RUNDC3B: variants seen among roughly 807,000 people sequenced by gnomAD.
The protein encoded by RUNDC3B is RUN domain containing 3B.
Under a neutral mutation model 58.4 loss-of-function variants are expected in RUNDC3B, and 33 were observed. The observed-to-expected ratio is 0.56, with a 90% confidence interval of 0.43 to 0.75. RUNDC3B has a LOEUF of 0.75. Among genes scored for constraint, RUNDC3B ranks in the 30% least tolerant of loss-of-function variants. RUNDC3B has a pLI of 0.00. For missense variants in RUNDC3B, 501 were observed against 535.7 expected, an observed-to-expected ratio of 0.94 and a Z score of 0.64; for synonymous variants, 193 against 195.2, an observed-to-expected ratio of 0.99 and a Z score of 0.10.
chr7:87,814,181 A>G (rs1409097814), intron 9 of RUNDC3B, among the ~76,000 whole-genome samples: 1 of 150,400 alleles, frequency 6.6e-6, no homozygotes, highest in Non-Finnish European at 1.5e-5. Flanking sequence ...GCTCACTTCA[A>G]TCTCTGCCTA....
chr7:87,663,436 T>C (rs960155248), intron 2 of RUNDC3B, among the ~76,000 whole-genome samples: 3 of 152,166 alleles, frequency 2.0e-5, no homozygotes, highest in African/African-American at 7.2e-5. Context: ...TTCCCTACAG[T>C]TGGCTTTTCT....
At chr7:87,713,130 C>T (rs1830239506) in intron 4 of RUNDC3B, 1 of 152,190 alleles carries the variant, frequency 6.6e-6, no homozygotes, top group East Asian at 1.9e-4. Context: ...TTGTAAAATA[C>T]AAACAATTAG....
intron 2 of RUNDC3B, among the ~76,000 whole-genome samples, chr7:87,687,301 C>A (rs185572237): frequency 1.3e-5 from 2 of 152,164 alleles, no homozygotes; most frequent in African/African-American, 4.8e-5. Flanking sequence ...GTGTAAGGAG[C>A]ACACTTCTTC....
At chr7:87,692,666 A>G (rs189994014) in intron 2 of RUNDC3B, among the ~76,000 whole-genome samples, 3 of 152,314 alleles carry the variant, frequency 2.0e-5, no homozygotes, top group Admixed American at 2.0e-4. Context: ...ATAAATCACA[A>G]ATAATATAGA....
At chr7:87,705,639 C>T (rs1563148979) in intron 3 of RUNDC3B, among the ~76,000 whole-genome samples, 1 of 152,158 alleles carries the variant, frequency 6.6e-6, no homozygotes, top group Non-Finnish European at 1.5e-5. Flanking sequence ...GAACATGAGA[C>T]TTTTATTACA....
chr7:87,660,027 G>T (rs1003684788), intron 2 of RUNDC3B, among the ~76,000 whole-genome samples: 4 of 152,086 alleles, frequency 2.6e-5, no homozygotes, highest in African/African-American at 4.8e-5. Context: ...TAACATTTTA[G>T]AGGTTTAGGT....
chr7:87,762,290 A>G (rs1351495184), intron 6 of RUNDC3B, among the ~76,000 whole-genome samples: 20 of 151,458 alleles, frequency 1.3e-4, no homozygotes. Flanking sequence ...TGGCCCTTAC[A>G]TCTCCTTGTT....
At chr7:87,816,931 A>G (rs568898791) in intron 10 of RUNDC3B, among the ~76,000 whole-genome samples, 2 of 152,316 alleles carry the variant, frequency 1.3e-5, no homozygotes, top group South Asian at 2.1e-4. Flanking sequence ...CTCCTTCAGC[A>G]TAGGTTAAAG....
At chr7:87,684,618 C>A (rs978969185) in intron 2 of RUNDC3B, among the ~76,000 whole-genome samples, 1 of 151,658 alleles carries the variant, frequency 6.6e-6, no homozygotes, top group Non-Finnish European at 1.5e-5. Context: ...CATGGTAGCA[C>A]GTGCCTGTAG....
At chr7:87,678,307 G>A (rs1184057389) in intron 2 of RUNDC3B, among the ~76,000 whole-genome samples, 1 of 152,164 alleles carries the variant, frequency 6.6e-6, no homozygotes, top group East Asian at 1.9e-4. Flanking sequence ...AGGTTTCCAG[G>A]TTTGCATGTA....
At chr7:87,689,823 G>T (rs572949139) in intron 2 of RUNDC3B, among the ~76,000 whole-genome samples, 1 of 151,996 alleles carries the variant, frequency 6.6e-6, no homozygotes, top group African/African-American at 2.4e-5. Context: ...TTTGCTAGAC[G>T]TCTAATGATA....
In RUNDC3B at chr7:87,733,859, C is replaced by T. The variant is rs185929748; in HGVS notation, c.459-5932C>T. ...TGCAGCTCCAGTTCCTAACAGGCCA[C>T]GGACAGGTTCTGGTTCATGGCCCAG... On this transcript the variant is annotated intron_variant, in intron 4 of 10. Transcript: ENST00000394654. Among the ~76,000 whole-genome samples the T allele has an allele frequency of 4.5e-4, 68 of 152,288 alleles. 2 individuals carry two copies. Among genetic ancestry groups the T allele is most frequent in the East Asian group, 5.8e-4 (3 of 5,182 alleles).
chr7:87,749,476 A>T (rs1832835761), intron 6 of RUNDC3B, among the ~76,000 whole-genome samples: 1 of 152,218 alleles, frequency 6.6e-6, no homozygotes, highest in South Asian at 2.1e-4. Flanking sequence ...ATACCAATTC[A>T]ACCTAGTCAT....
intron 8 of RUNDC3B, among the ~76,000 whole-genome samples, chr7:87,794,104 T>C (rs561189962): frequency 1.1e-4 from 16 of 152,140 alleles, no homozygotes; most frequent in Non-Finnish European, 2.1e-4. Context: ...ATTAAATACC[T>C]AGGAATTACT....
intron 8 of RUNDC3B, among the ~76,000 whole-genome samples, chr7:87,780,317 TCTGA>T (rs1834856970): frequency 6.6e-6 from 1 of 152,112 alleles, no homozygotes; most frequent in African/African-American, 2.4e-5. Flanking sequence ...ATAATAGCCA[TCTGA>T]CTGGTGTCAG....
At chr7:87,635,596 A>T (rs1047626916) in intron 1 of RUNDC3B, among the ~76,000 whole-genome samples, 2 of 152,172 alleles carry the variant, frequency 1.3e-5, no homozygotes, top group South Asian at 2.1e-4. Flanking sequence ...TAGCTCTACT[A>T]TGCCACTATT....
intron 6 of RUNDC3B, among the ~76,000 whole-genome samples, chr7:87,762,885 AAAC>A (rs1050928172): frequency 2.0e-5 from 3 of 151,512 alleles, no homozygotes; most frequent in Non-Finnish European, 3.0e-5. Context: ...AATTAAAAAA[AAAC>A]TACTCCGGCA....
chr7:87,753,065 G>A (rs1309576127), intron 6 of RUNDC3B, among the ~76,000 whole-genome samples: 4 of 152,180 alleles, frequency 2.6e-5, no homozygotes, highest in African/African-American at 9.6e-5. Flanking sequence ...CAGAGATTCT[G>A]GTATGTTGTG....
At chr7:87,754,615 A>C (rs769329848) in intron 6 of RUNDC3B, among the ~76,000 whole-genome samples, 3 of 152,172 alleles carry the variant, frequency 2.0e-5, no homozygotes, top group Non-Finnish European at 4.4e-5. Context: ...ATCAAGACAC[A>C]CACAAAAAAA....
Sources: gnomAD v4.1 joint callset for allele counts (sites outside exome capture counted in the v4.1 genomes callset) on GRCh38, gnomAD v4.1.1 for gene constraint, MANE v1.5 for transcripts, NCBI Gene and HGNC (gene_info 2026-07-23, HGNC 2026-07-21) for gene names.